Variants in CTNNBL1 observed in about 807,000 individuals in gnomAD.
CTNNBL1 encodes beta-catenin-like protein 1.
A neutral mutation model predicts 72.7 loss-of-function variants in CTNNBL1; 31 were observed. The observed-to-expected ratio is 0.43, with a 90% CI of 0.32 to 0.58. The LOEUF (loss-of-function observed/expected upper bound fraction) is 0.58, where lower values mean the gene tolerates loss of function less well. CTNNBL1 is among the 20% of genes least tolerant of loss of function. The pLI, the probability that CTNNBL1 is intolerant of heterozygous loss-of-function variation, is 0.08. For missense variants in CTNNBL1, 534 were observed against 725.1 expected, an observed-to-expected ratio of 0.74 and a Z score of 3.03; for synonymous variants, 240 against 267.3, an observed-to-expected ratio of 0.90 and a Z score of 1.00.
chr20:37,746,520 G>T lies in CTNNBL1; in HGVS notation c.379G>T (p.Val127Leu). The T allele has an allele frequency of 6.2e-7, 1 of 1,614,124 alleles. No individual in the cohort carries two copies. Among genetic ancestry groups the T allele is most frequent in the Non-Finnish European group, 8.5e-7 (1 of 1,179,984 alleles). ...TGACATCATTCAGGAGATGCACGTG[G>T]TGGCCACCATGCCAGACCTGTACCA... ...LNDIIQEMHVVATMPDLYHLL... is the reference protein window; with the variant it reads ...LNDIIQEMHVLATMPDLYHLL... The change falls in exon 4 of 16, where the codon GTG becomes TTG. Residue 127 changes from valine to leucine, a missense_variant. Transcript: ENST00000361383.
chr20:37,727,159 T>TA (rs34454965), intron 1 of CTNNBL1: 78 of 158,612 alleles, frequency 4.9e-4, no homozygotes, highest in Non-Finnish European at 6.7e-4. Context: ...GCTTTTTAAT[T>TA]AAAAAAAAAG....
intron 1 of CTNNBL1, among the ~76,000 whole-genome samples, chr20:37,711,695 C>T (rs2072939666): frequency 6.6e-6 from 1 of 151,508 alleles, no homozygotes; most frequent in South Asian, 2.1e-4. Context: ...TAGAAGGCCT[C>T]TTTGAGAGGT....
At chr20:37,848,957 G>T (rs1457013212) in intron 13 of CTNNBL1, among the ~76,000 whole-genome samples, 1 of 152,108 alleles carries the variant, frequency 6.6e-6, no homozygotes, top group Non-Finnish European at 1.5e-5. Context: ...TGCGGCCCTA[G>T]CCCTGTATAA....
At chr20:37,746,704 A>G in intron 4 of CTNNBL1, 97 bp downstream of exon 4, 6 of 1,408,798 alleles carry the variant, frequency 4.3e-6, no homozygotes, top group Non-Finnish European at 6.0e-6. Context: ...GTGCTATAAA[A>G]TCTGATGTTC....
intron 11 of CTNNBL1, among the ~76,000 whole-genome samples, chr20:37,815,938 A>T (rs2122761512): frequency 6.6e-6 from 1 of 152,156 alleles, no homozygotes. Context: ...GTAATATTGG[A>T]TGTGATTTTT....
chr20:37,765,727 AAG>A (rs2073461170), intron 6 of CTNNBL1, among the ~76,000 whole-genome samples: 1 of 152,208 alleles, frequency 6.6e-6, no homozygotes, highest in Non-Finnish European at 1.5e-5. Context: ...TTATTTGAAA[AAG>A]AGTTTTTCTC....
chr20:37,837,583 G>A (rs1325430105), intron 11 of CTNNBL1, among the ~76,000 whole-genome samples: 1 of 152,178 alleles, frequency 6.6e-6, no homozygotes, highest in African/African-American at 2.4e-5. Context: ...GAACCATCTT[G>A]TAACTGAACA....
intron 1 of CTNNBL1, among the ~76,000 whole-genome samples, chr20:37,697,077 G>C (rs1230569890): frequency 6.6e-6 from 1 of 151,976 alleles, no homozygotes; most frequent in African/African-American, 2.4e-5. Flanking sequence ...CAGCTACTTG[G>C]GAGGCTGAGG....
intron 11 of CTNNBL1, among the ~76,000 whole-genome samples, chr20:37,825,286 G>C (rs1230798045): frequency 6.6e-6 from 1 of 152,188 alleles, no homozygotes; most frequent in Non-Finnish European, 1.5e-5. Flanking sequence ...CTGGGAGGTG[G>C]AAGTTGTAGT....
At chr20:37,792,787 AAT>A (rs765931526) in intron 10 of CTNNBL1, among the ~76,000 whole-genome samples, 2 of 152,194 alleles carry the variant, frequency 1.3e-5, no homozygotes, top group African/African-American at 4.8e-5. Flanking sequence ...TACTGCTATA[AAT>A]TTCCCTCTAA....
rs761516328 is a variant in CTNNBL1 at position 37,733,013 on chromosome 20, C to CA, written c.172dup (p.Arg58LysfsTer7). On this transcript the variant is annotated frameshift_variant, in exon 2 of 16. Transcript: ENST00000361383. LOFTEE classifies it high-confidence loss of function. ...CTGTGGTGGAGGAAGCGGATGATGACAAAAAAAGGCTGCTGCAGATTATTG... is the reference window on the plus strand; with the variant it reads ...CTGTGGTGGAGGAAGCGGATGATGACAAAAAAAAGGCTGCTGCAGATTATTG... The CA allele has an allele frequency of 6.2e-7, 1 of 1,613,188 alleles. No homozygotes were observed. The highest frequency in any genetic ancestry group is 8.5e-7 in the Non-Finnish European group (1 of 1,179,758).
intron 13 of CTNNBL1, among the ~76,000 whole-genome samples, chr20:37,849,184 C>T (rs1160385233): frequency 6.6e-6 from 1 of 152,226 alleles, no homozygotes; most frequent in Non-Finnish European, 1.5e-5. Flanking sequence ...GTGCAGCACC[C>T]GCCTAACTAA....
intron 13 of CTNNBL1, among the ~76,000 whole-genome samples, chr20:37,849,287 C>G (rs1030849110): frequency 5.3e-5 from 8 of 152,218 alleles, no homozygotes; most frequent in South Asian, 2.1e-4. Flanking sequence ...GTATGCACTT[C>G]TCCACCCAAA....
At chr20:37,734,592 G>A (rs2073156805) in intron 2 of CTNNBL1, among the ~76,000 whole-genome samples, 1 of 152,224 alleles carries the variant, frequency 6.6e-6, no homozygotes, top group African/African-American at 2.4e-5. Flanking sequence ...GGGAAAAAGA[G>A]ATCGCTTTGT....
At chr20:37,869,118 A>G (rs1295943200) in intron 15 of CTNNBL1, among the ~76,000 whole-genome samples, 1 of 152,208 alleles carries the variant, frequency 6.6e-6, no homozygotes. Flanking sequence ...GTTGGAGGTG[A>G]TGGATGGGCC....
chr20:37,742,793 C>T (rs552350826), intron 3 of CTNNBL1, among the ~76,000 whole-genome samples: 44 of 152,024 alleles, frequency 2.9e-4, no homozygotes, highest in African/African-American at 1.0e-3. Flanking sequence ...GACTAACAAT[C>T]GTTCAATTAC....
chr20:37,860,072 C>G (rs766930305), intron 14 of CTNNBL1, 36 bp downstream of exon 14: 6 of 1,606,152 alleles, frequency 3.7e-6, no homozygotes, highest in Non-Finnish European at 5.1e-6. Flanking sequence ...CTTATCCATC[C>G]CTGCCTCCTT....
intron 11 of CTNNBL1, among the ~76,000 whole-genome samples, chr20:37,831,116 G>A (rs1029882143): frequency 2.0e-5 from 3 of 152,130 alleles, no homozygotes; most frequent in East Asian, 1.9e-4. Context: ...AGCTGCTAGC[G>A]CATAGCCATT....
intron 5 of CTNNBL1, among the ~76,000 whole-genome samples, chr20:37,761,513 G>C (rs1467463106): frequency 6.6e-6 from 1 of 152,106 alleles, no homozygotes; most frequent in Admixed American, 6.5e-5. Flanking sequence ...TTCCATTCAT[G>C]TTCTCACCTT....
Sources: gnomAD v4.1 joint callset for allele counts (sites outside exome capture counted in the v4.1 genomes callset) on GRCh38, gnomAD v4.1.1 for gene constraint, MANE v1.5 for transcripts, NCBI Gene and HGNC (gene_info 2026-07-23, HGNC 2026-07-21) for gene names.